The following PDZD2 variants were observed in gnomAD, a reference collection of about 807,000 sequenced individuals.
The protein encoded by PDZD2 is PDZ domain-containing protein 2.
Under a neutral mutation model 220.7 loss-of-function variants are expected in PDZD2, and 90 were observed. The observed-to-expected ratio is 0.41, with a 90% confidence interval of 0.34 to 0.49. The LOEUF is 0.49. PDZD2 is among the 20% of genes least tolerant of loss of function. The probability of loss-of-function intolerance (pLI) is 0.28; values close to 1 mark genes in which losing one functional copy is unlikely to be tolerated. For missense variants in PDZD2, 3,174 were observed against 3,608.5 expected, an observed-to-expected ratio of 0.88 and a Z score of 3.08; for synonymous variants, 1,375 against 1,450.5, an observed-to-expected ratio of 0.95 and a Z score of 1.18.
chr5:31,647,209 A>T (rs1745166646), intron 1 of PDZD2, among the ~76,000 whole-genome samples: 1 of 152,112 alleles, frequency 6.6e-6, no homozygotes, highest in Admixed American at 6.5e-5. Flanking sequence ...ATCCAGTACA[A>T]TGCCTAGTAC....
chr5:31,704,959 G>A (rs780889640), intron 1 of PDZD2, among the ~76,000 whole-genome samples: 3 of 152,090 alleles, frequency 2.0e-5, no homozygotes, highest in South Asian at 2.1e-4. Flanking sequence ...CTGGAAGTTC[G>A]AGACCAACCT....
intron 17 of PDZD2, 141 bp downstream of exon 17, chr5:32,072,458 C>T (rs1441417550): frequency 1.3e-5 from 9 of 672,846 alleles, no homozygotes; most frequent in African/African-American, 7.3e-5. Context: ...AGGCCGGGCG[C>T]GGTGGCTCAC....
At chr5:31,974,800 C>A (rs1374149104) in intron 2 of PDZD2, among the ~76,000 whole-genome samples, 1 of 152,108 alleles carries the variant, frequency 6.6e-6, no homozygotes, top group African/African-American at 2.4e-5. Context: ...ACCTGTAATG[C>A]CAGCACTTTG....
intron 2 of PDZD2, among the ~76,000 whole-genome samples, chr5:31,831,007 C>T (rs552234181): frequency 1.3e-5 from 2 of 152,320 alleles, no homozygotes; most frequent in South Asian, 2.1e-4. Flanking sequence ...GGGCAGTTTA[C>T]GAAGTGTGGA....
chr5:31,860,596 C>T (rs1391231405), intron 2 of PDZD2, among the ~76,000 whole-genome samples: 1 of 152,188 alleles, frequency 6.6e-6, no homozygotes, highest in Admixed American at 6.5e-5. Context: ...CTCAGTTTCT[C>T]CTTCTGTTGC....
At chr5:31,896,323 C>CAT in intron 2 of PDZD2, among the ~76,000 whole-genome samples, 1 of 136,472 alleles carries the variant, frequency 7.3e-6, no homozygotes, top group Admixed American at 7.6e-5. Flanking sequence ...TTGATACTCT[C>CAT]GTGTGTGTGT....
At chr5:31,892,904 G>A (rs1054883598) in intron 2 of PDZD2, among the ~76,000 whole-genome samples, 7 of 152,138 alleles carry the variant, frequency 4.6e-5, no homozygotes, top group African/African-American at 1.4e-4. Flanking sequence ...ACAGCCTGAC[G>A]GTGGAGACAG....
chr5:31,796,905 G>GTT (rs111300335), intron 1 of PDZD2, among the ~76,000 whole-genome samples: 76 of 150,110 alleles, frequency 5.1e-4, no homozygotes, highest in Admixed American at 1.5e-3. Context: ...ATATTTACGG[G>GTT]GTTTTTTTTG....
chr5:31,699,764 G>A (rs547791524), intron 1 of PDZD2, among the ~76,000 whole-genome samples: 1 of 145,180 alleles, frequency 6.9e-6, no homozygotes, highest in African/African-American at 2.6e-5. Flanking sequence ...ACCATGCCTG[G>A]CTGTTTTTTT....
intron 2 of PDZD2, among the ~76,000 whole-genome samples, chr5:31,961,668 G>T (rs746942454): frequency 1.3e-5 from 2 of 152,022 alleles, no homozygotes; most frequent in African/African-American, 4.8e-5. Context: ...TTTTTGAGAC[G>T]ATGTCTTGCT....
intron 2 of PDZD2, among the ~76,000 whole-genome samples, chr5:31,894,203 G>A (rs1056431482): frequency 3.3e-5 from 5 of 151,554 alleles, no homozygotes; most frequent in South Asian, 4.2e-4. Context: ...GTGAGCCACC[G>A]TGCTCGGCCA....
chr5:31,784,647 G>A (rs1032564215), intron 1 of PDZD2, among the ~76,000 whole-genome samples: 9 of 152,314 alleles, frequency 5.9e-5, no homozygotes, highest in African/African-American at 2.2e-4. Context: ...GGTGGCTCAC[G>A]CCTGTAATCC....
chr5:31,962,663 GAGA>G (rs1265602812), intron 2 of PDZD2, among the ~76,000 whole-genome samples: 1 of 152,204 alleles, frequency 6.6e-6, no homozygotes, highest in Non-Finnish European at 1.5e-5. Flanking sequence ...AATCTGCACG[GAGA>G]AGGAGTGTGG....
At chr5:31,949,066 T>G (rs1005259082) in intron 2 of PDZD2, among the ~76,000 whole-genome samples, 1 of 140,416 alleles carries the variant, frequency 7.1e-6, no homozygotes, top group Non-Finnish European at 1.5e-5. Flanking sequence ...CCACTGCCCT[T>G]CTGCCTGGGT....
chr5:31,916,541 C>T (rs1051080591), intron 2 of PDZD2, among the ~76,000 whole-genome samples: 10 of 152,236 alleles, frequency 6.6e-5, no homozygotes, highest in Non-Finnish European at 1.5e-4. Context: ...GTGTGGTGTT[C>T]TTATGCCTTC....
chr5:32,033,161 A>C lies in PDZD2; in HGVS notation c.1408-4070A>C, dbSNP rs115080883. Among the ~76,000 whole-genome samples the C allele has an allele frequency of 4.8e-3, 728 of 152,338 alleles. 4 individuals carry two copies. Among genetic ancestry groups the C allele is most frequent in the African/African-American group, 0.017 (692 of 41,568 alleles). On this transcript the variant is annotated intron_variant, in intron 6 of 24. Coordinates refer to ENST00000438447, the MANE Select transcript of PDZD2 (RefSeq NM_178140.4). ...CGCTGAACTGAAGGCCTTCCAGGAG[A>C]ACATTTTGCAAATTTCGTTTCAGAA...
chr5:32,081,598 G>A (rs1269003407), intron 19 of PDZD2, among the ~76,000 whole-genome samples: 1 of 152,146 alleles, frequency 6.6e-6, no homozygotes, highest in Non-Finnish European at 1.5e-5. Context: ...CCAATGAAAA[G>A]GCTATCTGTG....
At chr5:31,726,022 A>G in intron 1 of PDZD2, 1 of 385,724 alleles carries the variant, frequency 2.6e-6, no homozygotes, top group Non-Finnish European at 4.7e-6. Context: ...ATGGAGTAGA[A>G]AGCGTGCTGA....
intron 1 of PDZD2, among the ~76,000 whole-genome samples, chr5:31,796,625 G>A (rs1754041433): frequency 6.6e-6 from 1 of 152,086 alleles, no homozygotes; most frequent in Non-Finnish European, 1.5e-5. Context: ...GAAACGGAAG[G>A]GGAGCGGGAG....
Sources: allele counts gnomAD v4.1 joint callset (sites outside exome capture counted in the v4.1 genomes callset), GRCh38; gene constraint gnomAD v4.1.1; transcripts MANE v1.5; gene names NCBI Gene and HGNC (gene_info 2026-07-23, HGNC 2026-07-21).